Variants in DPP6 observed in about 807,000 individuals in gnomAD.
DPP6 encodes the protein dipeptidyl peptidase like 6.
A neutral mutation model predicts 122.6 loss-of-function variants in DPP6; 69 were observed. The ratio of observed to expected loss-of-function variants is 0.56; its 90% confidence interval spans 0.46 to 0.69. DPP6 has a LOEUF of 0.69. Among genes scored for constraint, DPP6 ranks in the 30% least tolerant of loss-of-function variants. The pLI is 0.00. For missense variants in DPP6, 928 were observed against 1,116.9 expected, an observed-to-expected ratio of 0.83 and a Z score of 2.41; for synonymous variants, 418 against 433.1, an observed-to-expected ratio of 0.97 and a Z score of 0.43.
In DPP6 at chr7:154,566,862, A is replaced by G. The variant is rs1427785635; in HGVS notation, c.573A>G (p.Arg191=). The part of the protein sequence containing the change: ...GKKIESLRAI[R]YEISPDREYA... Reference sequence around the variant, plus strand: ...TTTAGGAATCATTAAGAGCCATCAGATATGAAATATCTCCAGATAGAGAGT... The same window carrying G: ...TTTAGGAATCATTAAGAGCCATCAGGTATGAAATATCTCCAGATAGAGAGT... Residue 191 remains arginine, a synonymous_variant, in exon 5 of 26, where the codon AGA becomes AGG. Transcript: ENST00000377770. 3 of 1,602,918 alleles carry G rather than the reference A, an allele frequency of 1.9e-6. No individual in the cohort carries two copies. Among genetic ancestry groups the G allele is most frequent in the African/African-American group, 2.7e-5 (2 of 74,698 alleles).
At chr7:153,860,326 A>T in the DPP6 span, among the ~76,000 whole-genome samples, 1 of 152,098 alleles carries the variant, frequency 6.6e-6, no homozygotes, top group East Asian at 1.9e-4. Flanking sequence ...CACCCTGCTC[A>T]GTGCCCCAGG....
At chr7:154,806,889 C>A in intron 15 of DPP6, 105 bp from the exon 16 acceptor site, 2 of 1,463,102 alleles carry the variant, frequency 1.4e-6, no homozygotes, top group Non-Finnish European at 9.2e-7. Flanking sequence ...TGTAGCAGGG[C>A]TCCGCAGATC....
chr7:154,046,732 G>C (rs2129059713), intron 1 of DPP6, among the ~76,000 whole-genome samples: 1 of 152,256 alleles, frequency 6.6e-6, no homozygotes, highest in Non-Finnish European at 1.5e-5. Context: ...TGGACCTGGG[G>C]GCCAACTTGC....
chr7:154,488,222 C>G (rs1397911056), intron 3 of DPP6, among the ~76,000 whole-genome samples: 1 of 152,112 alleles, frequency 6.6e-6, no homozygotes, highest in Non-Finnish European at 1.5e-5. Flanking sequence ...CAGTAGCTCA[C>G]GCAAGCCTGT....
At chr7:154,434,740 A>ATCAGGGCCTGCTCATAC (rs1818718315) in intron 1 of DPP6, among the ~76,000 whole-genome samples, 1 of 152,082 alleles carries the variant, frequency 6.6e-6, no homozygotes, top group Non-Finnish European at 1.5e-5. Context: ...CACGTTTTTG[A>ATCAGGGCCTGCTCATAC]TCAGGGCCTG....
chr7:153,877,656 G>C, the DPP6 span, among the ~76,000 whole-genome samples: 1 of 152,122 alleles, frequency 6.6e-6, no homozygotes, highest in Non-Finnish European at 1.5e-5. Flanking sequence ...GGAAAAAATA[G>C]TACGTATGAC....
Position 154,371,002 on chromosome 7 carries a change from CTGTT to C in DPP6, c.244-75209_244-75206del, listed in dbSNP as rs563933243. On this transcript the variant is annotated intron_variant, in intron 1 of 25. Transcript: ENST00000377770. ...CCTCCCTATGCAGTTTTGGAACCCT[CTGTT>C]TGATTCAAAGGTCTGCTCCTGATAC... Among the ~76,000 whole-genome samples the C allele has an allele frequency of 8.5e-5, 13 of 152,286 alleles. No individual in the cohort carries two copies. In the East Asian group the frequency reaches 1.9e-3, roughly 23 times the overall value.
At chr7:153,819,073 T>TTTTC in the DPP6 span, among the ~76,000 whole-genome samples, 292 of 69,642 alleles carry the variant, frequency 4.2e-3, 2 homozygotes, top group Middle Eastern at 0.051. Flanking sequence ...TCCCCTTTTC[T>TTTTC]TTTCTTTTTT....
chr7:154,703,984 A>G (rs1452217022), intron 7 of DPP6, among the ~76,000 whole-genome samples: 1 of 152,232 alleles, frequency 6.6e-6, no homozygotes, highest in Non-Finnish European at 1.5e-5. Context: ...TAGCTGCCAT[A>G]GATAGTGATT....
chr7:153,827,290 A>T, the DPP6 span, among the ~76,000 whole-genome samples: 1 of 152,326 alleles, frequency 6.6e-6, no homozygotes, highest in East Asian at 1.9e-4. Context: ...AAAGAAACAC[A>T]GACAACAAAA....
chr7:153,780,289 A>G, the DPP6 span, among the ~76,000 whole-genome samples: 5 of 152,198 alleles, frequency 3.3e-5, no homozygotes, highest in Admixed American at 1.3e-4. Context: ...TGGTTATTCA[A>G]TCTTCTTGAA....
At chr7:154,381,635 A>G (rs1813619183) in intron 1 of DPP6, among the ~76,000 whole-genome samples, 1 of 152,224 alleles carries the variant, frequency 6.6e-6, no homozygotes, top group African/African-American at 2.4e-5. Context: ...TAGGCTACTT[A>G]TGATCCGAAA....
chr7:153,884,808 C>G (rs926000943), upstream of DPP6, among the ~76,000 whole-genome samples: 4 of 151,608 alleles, frequency 2.6e-5, no homozygotes, highest in Non-Finnish European at 4.4e-5. Flanking sequence ...GGTGAAACCC[C>G]GTCTCTATTA....
chr7:154,190,338 G>A (rs1404034286), intron 1 of DPP6, among the ~76,000 whole-genome samples: 1 of 151,992 alleles, frequency 6.6e-6, no homozygotes, highest in Non-Finnish European at 1.5e-5. Flanking sequence ...AATACCCAGG[G>A]GAGGAAAAGA....
Position 154,755,142 on chromosome 7 carries a change from A to T in DPP6, c.884-14275A>T. Among the ~76,000 whole-genome samples the T allele has an allele frequency of 7.5e-6, 1 of 132,912 alleles. No individual in the cohort carries two copies. The highest frequency in any genetic ancestry group is 3.4e-3 in the Middle Eastern group (1 of 290). 87.2% of individuals were successfully genotyped at this position (132,912 alleles called of 152,430 possible). ...CATGTATCCCAGAACTTAAAGTAAAATAAATTAAAAAAAAAAAAAAAAGAA... is the reference window on the plus strand; with the variant it reads ...CATGTATCCCAGAACTTAAAGTAAATTAAATTAAAAAAAAAAAAAAAAGAA... On this transcript the variant is annotated intron_variant, in intron 8 of 25. Coordinates refer to ENST00000377770, the MANE Select transcript of DPP6 (RefSeq NM_130797.4). The surrounding 1 kb of genome is among the most constrained non-coding windows in gnomAD (Gnocchi z 4.7).
At chr7:154,135,402 C>T (rs3115124) in intron 1 of DPP6, among the ~76,000 whole-genome samples, 1 of 149,460 alleles carries the variant, frequency 6.7e-6, no homozygotes, top group Non-Finnish European at 1.5e-5. Context: ...GAGCATACAC[C>T]TCCTATCTAT....
At chr7:153,829,697 G>A in the DPP6 span, among the ~76,000 whole-genome samples, 71,284 of 152,030 alleles carry the variant, frequency 0.47, 16,771 homozygotes, top group East Asian at 0.59. Flanking sequence ...GGAACGCAGC[G>A]TGCATACCAG....
intron 2 of DPP6, among the ~76,000 whole-genome samples, chr7:154,447,263 G>A (rs914119499): frequency 3.4e-4 from 51 of 152,154 alleles, no homozygotes; most frequent in East Asian, 3.3e-3. Flanking sequence ...CCATGATTGC[G>A]CCATTGCACT....
intron 8 of DPP6, among the ~76,000 whole-genome samples, chr7:154,754,891 C>G (rs2131480772): frequency 6.6e-6 from 1 of 152,272 alleles, no homozygotes; most frequent in East Asian, 1.9e-4. Context: ...AAACCAAACA[C>G]TGCATATTCT....
Sources: gnomAD v4.1 joint callset for allele counts (sites outside exome capture counted in the v4.1 genomes callset) on GRCh38, gnomAD v4.1.1 for gene constraint, Gnocchi (gnomAD v3.1) non-coding constraint, MANE v1.5 for transcripts, NCBI Gene and HGNC (gene_info 2026-07-23, HGNC 2026-07-21) for gene names.